Variants in NFIB observed in about 807,000 individuals in gnomAD.
NFIB encodes nuclear factor I B, also known as nuclear factor 1 B-type.
In NFIB, 11 loss-of-function variants were observed where a neutral mutation model predicts 61.5. The ratio of observed to expected loss-of-function variants is 0.18; its 90% CI spans 0.11 to 0.30. The LOEUF is 0.30. Among genes scored for constraint, NFIB ranks in the 10% least tolerant of loss-of-function variants. NFIB has a pLI of 1.00. For synonymous variants in NFIB, 260 were observed against 216.5 expected (o/e 1.20, Z -1.76); for missense variants, 471 against 608.9 (o/e 0.77, Z 2.38).
chr9:14,445,467 C>T, the NFIB span, among the ~76,000 whole-genome samples: 17 of 152,026 alleles, frequency 1.1e-4, no homozygotes, highest in African/African-American at 3.9e-4. Context: ...AAGGAAGTTA[C>T]CTCCTATTGC....
At chr9:14,312,232 T>C (rs568239257) in intron 1 of NFIB, among the ~76,000 whole-genome samples, 14 of 152,360 alleles carry the variant, frequency 9.2e-5, no homozygotes, top group Non-Finnish European at 1.6e-4. Flanking sequence ...TATGAATGCC[T>C]CAGTCCTTTT....
chr9:14,104,266 ACTTTG>A (rs1487310236), intron 10 of NFIB, among the ~76,000 whole-genome samples: 9 of 152,134 alleles, frequency 5.9e-5, no homozygotes, highest in African/African-American at 2.2e-4. Flanking sequence ...AAAAAAGTAC[ACTTTG>A]CTTTGTTTTA....
At chr9:14,328,601 T>C (rs887080258) in intron 1 of NFIB, among the ~76,000 whole-genome samples, 1 of 152,106 alleles carries the variant, frequency 6.6e-6, no homozygotes, top group African/African-American at 2.4e-5. Context: ...TTGTTTCATG[T>C]GCATATATCT....
At chr9:14,516,204 A>C in the NFIB span, among the ~76,000 whole-genome samples, 2 of 152,222 alleles carry the variant, frequency 1.3e-5, no homozygotes, top group Non-Finnish European at 2.9e-5. Context: ...CTGGCCCTGG[A>C]AATTGCAAAG....
At chr9:14,508,696 G>A in the NFIB span, among the ~76,000 whole-genome samples, 23 of 152,306 alleles carry the variant, frequency 1.5e-4, no homozygotes, top group African/African-American at 5.0e-4. Flanking sequence ...AGGATGGTCC[G>A]GCTACATGCC....
At chr9:14,377,465 C>T (rs1588392764) in intron 1 of NFIB, among the ~76,000 whole-genome samples, 1 of 152,182 alleles carries the variant, frequency 6.6e-6, no homozygotes. Flanking sequence ...TCATCTCCTG[C>T]CTCAGTCTCC....
chr9:14,209,102 A>G (rs1354641495), intron 2 of NFIB, among the ~76,000 whole-genome samples: 1 of 152,366 alleles, frequency 6.6e-6, no homozygotes, highest in East Asian at 1.9e-4. Context: ...AATCATCAAT[A>G]CATCACAGCC....
At chr9:14,429,383 T>A in the NFIB span, among the ~76,000 whole-genome samples, 1 of 152,144 alleles carries the variant, frequency 6.6e-6, no homozygotes, top group African/African-American at 2.4e-5. Context: ...AAAGGCAGGA[T>A]CTGAATCCAG....
chr9:14,376,157 C>T (rs865825435), intron 1 of NFIB, among the ~76,000 whole-genome samples: 9 of 152,298 alleles, frequency 5.9e-5, no homozygotes, highest in African/African-American at 1.9e-4. Flanking sequence ...AACTCCTGGG[C>T]TCAAGTGATC....
the NFIB span, among the ~76,000 whole-genome samples, chr9:14,492,266 G>C: frequency 6.6e-6 from 1 of 152,014 alleles, no homozygotes; most frequent in Non-Finnish European, 1.5e-5. Flanking sequence ...GGGAGGCTGA[G>C]GCAGGAGAAT....
the NFIB span, among the ~76,000 whole-genome samples, chr9:14,505,130 T>C: frequency 2.0e-5 from 3 of 152,192 alleles, no homozygotes; most frequent in African/African-American, 7.2e-5. Context: ...TGGTGTATCA[T>C]GTTTATTGAC....
the NFIB span, among the ~76,000 whole-genome samples, chr9:14,458,352 T>C: frequency 6.6e-6 from 1 of 152,200 alleles, no homozygotes; most frequent in African/African-American, 2.4e-5. Flanking sequence ...AATTAGGTAT[T>C]GATGGGATGT....
At chr9:14,470,216 A>G in the NFIB span, among the ~76,000 whole-genome samples, 2 of 152,094 alleles carry the variant, frequency 1.3e-5, no homozygotes, top group African/African-American at 4.8e-5. Context: ...AACAGCTGTT[A>G]TTGTCATTGC....
chr9:14,448,934 A>T, the NFIB span, among the ~76,000 whole-genome samples: 7 of 152,248 alleles, frequency 4.6e-5, no homozygotes, highest in South Asian at 1.2e-3. Flanking sequence ...CAAATCAAAG[A>T]AAGGGAGTTG....
chr9:14,192,200 T>A (rs1422086749), intron 2 of NFIB, among the ~76,000 whole-genome samples: 1 of 152,184 alleles, frequency 6.6e-6, no homozygotes, highest in African/African-American at 2.4e-5. Flanking sequence ...ATGTTAAAAT[T>A]CTAAAATTAA....
rs1292788981 is a variant in NFIB at position 14,083,657 on chromosome 9, C to A, written c.*4652G>T. 1 of 225,628 alleles carries A rather than the reference C, an allele frequency of 4.4e-6. No homozygotes were observed. Among genetic ancestry groups the A allele is most frequent in the Non-Finnish European group, 8.8e-6 (1 of 113,062 alleles). 14.0% of individuals were successfully genotyped at this position (225,628 alleles called of 1,614,324 possible). On this transcript the variant is annotated 3_prime_UTR_variant, in exon 11 of 11. Transcript: ENST00000380953. Reference sequence around the variant, plus strand: ...AGAGTTGTTTCATTAAAAATGAATACTGTACACTGAATATGGGATAACTTT... The same window carrying A: ...AGAGTTGTTTCATTAAAAATGAATAATGTACACTGAATATGGGATAACTTT...
At chr9:14,256,329 T>A (rs1415056797) in intron 2 of NFIB, among the ~76,000 whole-genome samples, 2 of 152,114 alleles carry the variant, frequency 1.3e-5, no homozygotes, top group African/African-American at 2.4e-5. Context: ...AGAAAAAAAA[T>A]TATTAATTAT....
intron 2 of NFIB, among the ~76,000 whole-genome samples, chr9:14,293,482 A>G (rs1269715214): frequency 6.6e-6 from 1 of 152,244 alleles, no homozygotes; most frequent in African/African-American, 2.4e-5. Context: ...AAAGAAGCCC[A>G]TGGTGAGGAG....
In NFIB at chr9:14,182,022, T is replaced by TCTC. The variant is rs1321563544; in HGVS notation, c.563-2245_563-2243dup. Among the ~76,000 whole-genome samples, 30 of 152,316 alleles carry TCTC rather than the reference T, an allele frequency of 2.0e-4. No individual in the cohort carries two copies. The South Asian group carries it at 2.9e-3, about 15-fold the overall frequency. On this transcript the variant is annotated intron_variant, in intron 2 of 10. Coordinates refer to ENST00000380953, the MANE Select transcript of NFIB (RefSeq NM_001190737.2). ...GTCCAGCAGAGAAAAGAATGAAAAGTCTCTTCCATTCGTAAGAAACTATCC... is the reference window on the plus strand; with the variant it reads ...GTCCAGCAGAGAAAAGAATGAAAAGTCTCCTCTTCCATTCGTAAGAAACTATCC...
Sources: allele counts gnomAD v4.1 joint callset (sites outside exome capture counted in the v4.1 genomes callset), GRCh38; gene constraint gnomAD v4.1.1; transcripts MANE v1.5; gene names NCBI Gene and HGNC (gene_info 2026-07-23, HGNC 2026-07-21).